USH2A: variants seen among roughly 807,000 people sequenced by gnomAD.
USH2A encodes the protein Usher syndrome 2A (autosomal recessive, mild).
Under a neutral mutation model 538.9 loss-of-function variants are expected in USH2A, and 443 were observed. The ratio of observed to expected loss-of-function variants is 0.82; its 90% confidence interval spans 0.76 to 0.89. The LOEUF is 0.89. Among genes scored for constraint, USH2A ranks in the 40% least tolerant of loss-of-function variants. The pLI, the probability that USH2A is intolerant of heterozygous loss-of-function variation, is 0.00. For synonymous variants in USH2A, 2,413 were observed against 2,273.5 expected (o/e 1.06, Z -1.75); for missense variants, 6,633 against 6,324.8 (o/e 1.05, Z -1.65).
At chr1:215,694,282 C>A (rs1175582544) in intron 61 of USH2A, among the ~76,000 whole-genome samples, 1 of 152,130 alleles carries the variant, frequency 6.6e-6, no homozygotes, top group East Asian at 1.9e-4. Flanking sequence ...ACAAGACATT[C>A]AAAATTTCTT....
intron 44 of USH2A, among the ~76,000 whole-genome samples, chr1:215,855,663 T>G (rs1664144394): frequency 6.6e-6 from 1 of 151,992 alleles, no homozygotes. Context: ...CCACCATCAT[T>G]CTTCACAGAA....
chr1:216,162,076 T>C (rs1375910304), intron 21 of USH2A, among the ~76,000 whole-genome samples: 1 of 152,082 alleles, frequency 6.6e-6, no homozygotes, highest in Non-Finnish European at 1.5e-5. Context: ...AAACTATGTG[T>C]GAACTTATTT....
Position 215,648,784 on chromosome 1 carries a change from G to A in USH2A, c.14344-18C>T. ...TCGGATAGCTGTGGAAGGAAGGAAG[G>A]CTAGATAAAGGCAGTGTCAAACATT... On this transcript the variant is annotated intron_variant, in intron 65 of 71. Coordinates refer to ENST00000307340, the MANE Select transcript of USH2A (RefSeq NM_206933.4). The A allele has an allele frequency of 6.2e-7, 1 of 1,606,470 alleles. No individual in the cohort carries two copies. Among genetic ancestry groups the A allele is most frequent in the Non-Finnish European group, 8.5e-7 (1 of 1,173,358 alleles).
chr1:215,755,803 C>T (rs978021796), intron 58 of USH2A, among the ~76,000 whole-genome samples: 16 of 152,092 alleles, frequency 1.1e-4, no homozygotes, highest in African/African-American at 3.6e-4. Context: ...GAGTTAAGGT[C>T]ATATTAAACA....
chr1:215,879,476 C>G (rs1241077197), intron 41 of USH2A, among the ~76,000 whole-genome samples: 1 of 152,154 alleles, frequency 6.6e-6, no homozygotes, highest in Non-Finnish European at 1.5e-5. Flanking sequence ...ATGTTTATAA[C>G]TCAACTAAAT....
intron 52 of USH2A, 45 bp downstream of exon 52, chr1:215,786,625 C>T: frequency 6.2e-7 from 1 of 1,605,610 alleles, no homozygotes; most frequent in South Asian, 1.1e-5. Context: ...AGCAGCTTCT[C>T]ACTAACCCCA....
At chr1:215,964,456 C>T (rs901834288) in intron 37 of USH2A, among the ~76,000 whole-genome samples, 3 of 152,106 alleles carry the variant, frequency 2.0e-5, no homozygotes, top group African/African-American at 7.2e-5. Flanking sequence ...TGTTTTTACA[C>T]TTGGAGGATG....
intron 21 of USH2A, among the ~76,000 whole-genome samples, chr1:216,130,741 T>C (rs1294517587): frequency 2.6e-5 from 4 of 151,130 alleles, no homozygotes; most frequent in African/African-American, 9.7e-5. Flanking sequence ...TGATTCCATA[T>C]TTTTGCAATT....
intron 37 of USH2A, among the ~76,000 whole-genome samples, chr1:215,945,976 CTA>C (rs1255829781): frequency 2.0e-5 from 3 of 152,136 alleles, no homozygotes; most frequent in African/African-American, 7.2e-5. Flanking sequence ...GGGTGAAAAA[CTA>C]TTTATTTTTT....
intron 3 of USH2A, among the ~76,000 whole-genome samples, chr1:216,399,372 G>C (rs929649258): frequency 2.0e-5 from 3 of 152,134 alleles, no homozygotes; most frequent in African/African-American, 7.2e-5. Flanking sequence ...CACTAAGTGA[G>C]CAGGGCCTAG....
At chr1:216,281,402 A>C (rs1341454614) in intron 11 of USH2A, among the ~76,000 whole-genome samples, 1 of 152,184 alleles carries the variant, frequency 6.6e-6, no homozygotes, top group Non-Finnish European at 1.5e-5. Context: ...AAAAAAGTTA[A>C]CATTTTAAAG....
At chr1:215,892,730 A>G (rs1197389152) in intron 40 of USH2A, among the ~76,000 whole-genome samples, 1 of 152,200 alleles carries the variant, frequency 6.6e-6, no homozygotes, top group East Asian at 1.9e-4. Flanking sequence ...AAGAATGGGC[A>G]CTGCAGTTTT....
intron 2 of USH2A, among the ~76,000 whole-genome samples, chr1:216,419,425 A>G (rs1571802601): frequency 6.6e-6 from 1 of 152,226 alleles, no homozygotes; most frequent in East Asian, 1.9e-4. Flanking sequence ...ATTTTAAGTT[A>G]TCTCTACCCT....
rs548332655 is a variant in USH2A at position 216,000,516 on chromosome 1, T to A, written c.6372A>T (p.Thr2124=). The A allele has an allele frequency of 3.2e-5, 52 of 1,613,612 alleles. No homozygotes were observed. Among genetic ancestry groups the A allele is most frequent in the Non-Finnish European group, 4.2e-5 (49 of 1,179,716 alleles). Residue 2124 remains threonine, a synonymous_variant, in exon 33 of 72, where the codon ACA becomes ACT. Coordinates refer to ENST00000307340, the MANE Select transcript of USH2A (RefSeq NM_206933.4). The part of the protein sequence containing the change: ...TPHQFLLSAC[T]HVGCTNSSWV... ...AGGAACTGTTTGTACAGCCCACATG[T>A]GTGCATGCACTTAGTAGAAACTGGT...
chr1:215,662,071 TG>T (rs1039383707), intron 64 of USH2A, among the ~76,000 whole-genome samples: 44 of 152,388 alleles, frequency 2.9e-4, no homozygotes, highest in African/African-American at 1.1e-3. Context: ...GTATACACTT[TG>T]AACATTGTAG....
At chr1:215,984,614 T>G (rs1225112946) in intron 35 of USH2A, among the ~76,000 whole-genome samples, 3 of 152,244 alleles carry the variant, frequency 2.0e-5, no homozygotes, top group Admixed American at 6.5e-5. Flanking sequence ...AGGTGCTCAA[T>G]AGGTTGTCAT....
In USH2A at chr1:215,670,109, G is replaced by A. The variant is rs565619372; in HGVS notation, c.14133+863C>T. 2.0e-5 allele frequency among the ~76,000 whole-genome samples: 3 copies of A among 152,320 alleles called. No individual in the cohort carries two copies. The East Asian group carries it at 5.8e-4, about 29-fold the overall frequency. On this transcript the variant is annotated intron_variant, in intron 64 of 71. Coordinates refer to ENST00000307340, the MANE Select transcript of USH2A (RefSeq NM_206933.4). ...GGTTGAAGAACCATGCTTGGAAATAGCAGGGAAAAGAAAAACTTTTAGATT... is the reference window on the plus strand; with the variant it reads ...GGTTGAAGAACCATGCTTGGAAATAACAGGGAAAAGAAAAACTTTTAGATT...
intron 47 of USH2A, among the ~76,000 whole-genome samples, chr1:215,829,918 AG>A (rs1663264929): frequency 6.6e-6 from 1 of 152,174 alleles, no homozygotes; most frequent in Non-Finnish European, 1.5e-5. Flanking sequence ...ACTGTGGTGG[AG>A]GGGGACTTCC....
chr1:216,026,597 C>T (rs968853134), intron 32 of USH2A, among the ~76,000 whole-genome samples: 1 of 152,124 alleles, frequency 6.6e-6, no homozygotes, highest in African/African-American at 2.4e-5. Flanking sequence ...ATCTAGTTTT[C>T]ATGAAAAAAT....
Sources: gnomAD v4.1 joint callset for allele counts (sites outside exome capture counted in the v4.1 genomes callset) on GRCh38, gnomAD v4.1.1 for gene constraint, MANE v1.5 for transcripts, NCBI Gene and HGNC (gene_info 2026-07-23, HGNC 2026-07-21) for gene names.